ERBB4: variants seen among roughly 807,000 people sequenced by gnomAD.
ERBB4 encodes the protein erb-b2 receptor tyrosine kinase 4.
ERBB4 carries 42 observed loss-of-function variants against 158.0 expected under a neutral mutation model. The observed-to-expected ratio is 0.27, with a 90% CI of 0.21 to 0.34. ERBB4 has a LOEUF of 0.34. Among genes scored for constraint, ERBB4 ranks in the 10% least tolerant of loss-of-function variants. The pLI is 1.00. For synonymous variants in ERBB4, 583 were observed against 558.7 expected (o/e 1.04, Z -0.61); for missense variants, 1,333 against 1,624.1 (o/e 0.82, Z 3.08).
chr2:211,527,888 T>G lies in ERBB4; in HGVS notation c.2487+34015A>C, dbSNP rs536950410. Among the ~76,000 whole-genome samples, 6 of 151,914 alleles carry G rather than the reference T, an allele frequency of 3.9e-5. No homozygotes were observed. In the South Asian group the frequency reaches 1.2e-3, roughly 31 times the overall value. ...ACACAAAAAATAAAAAGCAAGAAACTAAGTCCTCTAATCAGAGAAAGTCAC... is the reference window on the plus strand; with the variant it reads ...ACACAAAAAATAAAAAGCAAGAAACGAAGTCCTCTAATCAGAGAAAGTCAC... On this transcript the variant is annotated intron_variant, in intron 20 of 27. Transcript: ENST00000342788.
At chr2:211,489,522 G>C (rs970677507) in intron 20 of ERBB4, among the ~76,000 whole-genome samples, 1 of 151,894 alleles carries the variant, frequency 6.6e-6, no homozygotes, top group African/African-American at 2.4e-5. Context: ...TATGGTTGTT[G>C]GTTGCCTTGT....
At chr2:212,206,586 G>GTTCTT (rs781042227) in intron 1 of ERBB4, among the ~76,000 whole-genome samples, 1 of 66,766 alleles carries the variant, frequency 1.5e-5, no homozygotes, top group Admixed American at 1.8e-4. Context: ...CGTCTGTTCT[G>GTTCTT]TTCTTTTTTT....
chr2:211,711,902 A>T, intron 9 of ERBB4, 148 bp downstream of exon 9: 1 of 676,234 alleles, frequency 1.5e-6, no homozygotes, highest in East Asian at 2.8e-5. Context: ...ATTGCTGGTG[A>T]AATCAGGCCC....
intron 16 of ERBB4, among the ~76,000 whole-genome samples, chr2:211,644,796 C>T (rs760471158): frequency 4.0e-5 from 6 of 151,880 alleles, no homozygotes; most frequent in Non-Finnish European, 5.9e-5. Flanking sequence ...ATAAACATAA[C>T]GCTTCCCTTT....
At chr2:211,799,888 G>A (rs1187664466) in intron 3 of ERBB4, among the ~76,000 whole-genome samples, 3 of 152,082 alleles carry the variant, frequency 2.0e-5, no homozygotes, top group Non-Finnish European at 4.4e-5. Flanking sequence ...TTCAGAGAGA[G>A]CTAAAACCAG....
At chr2:212,269,509 A>G (rs1292230968) in intron 1 of ERBB4, among the ~76,000 whole-genome samples, 1 of 151,756 alleles carries the variant, frequency 6.6e-6, no homozygotes, top group Non-Finnish European at 1.5e-5. Flanking sequence ...GTCTTGCAAT[A>G]CTTACAGTGT....
intron 1 of ERBB4, among the ~76,000 whole-genome samples, chr2:212,215,532 A>C (rs1408162151): frequency 6.6e-6 from 1 of 151,430 alleles, no homozygotes; most frequent in Non-Finnish European, 1.5e-5. Flanking sequence ...ATAGCATGAA[A>C]TAGAAATAAT....
intron 20 of ERBB4, among the ~76,000 whole-genome samples, chr2:211,481,773 A>G (rs186432311): frequency 6.6e-6 from 1 of 152,124 alleles, no homozygotes; most frequent in African/African-American, 2.4e-5. Context: ...GAAAATTGAA[A>G]CTAGATATGA....
intron 2 of ERBB4, among the ~76,000 whole-genome samples, chr2:212,049,879 T>C (rs1433277818): frequency 6.6e-6 from 1 of 152,206 alleles, no homozygotes; most frequent in African/African-American, 2.4e-5. Context: ...GGATATGCTA[T>C]GTACTACTTT....
At chr2:211,459,312 C>A (rs540262248) in intron 20 of ERBB4, among the ~76,000 whole-genome samples, 3 of 152,300 alleles carry the variant, frequency 2.0e-5, no homozygotes, top group East Asian at 3.9e-4. Flanking sequence ...GGGACACTTT[C>A]TCTATTTGAA....
chr2:211,917,864 A>G (rs950092073), intron 3 of ERBB4, among the ~76,000 whole-genome samples: 6 of 152,346 alleles, frequency 3.9e-5, no homozygotes, highest in Admixed American at 2.0e-4. Context: ...TGAGTTTTAC[A>G]GAAGTTACTA....
chr2:211,861,113 A>T (rs1280878807), intron 3 of ERBB4, among the ~76,000 whole-genome samples: 90 of 30,094 alleles, frequency 3.0e-3, no homozygotes, highest in Non-Finnish European at 4.8e-3. Flanking sequence ...ATATATATTT[A>T]TATATATATT....
intron 25 of ERBB4, among the ~76,000 whole-genome samples, chr2:211,396,387 AAAC>A (rs2062918265): frequency 6.6e-6 from 1 of 152,174 alleles, no homozygotes; most frequent in African/African-American, 2.4e-5. Flanking sequence ...CACTAAAAAA[AAAC>A]CATGTATAAG....
intron 13 of ERBB4, 147 bp from the exon 14 acceptor site, chr2:211,673,404 T>C (rs760591928): frequency 1.4e-6 from 1 of 691,344 alleles, no homozygotes; most frequent in Admixed American, 2.0e-5. Flanking sequence ...CATTAAGTTT[T>C]CCATTAGGAG....
At chr2:212,239,922 GGCAAAC>G (rs1274170449) in intron 1 of ERBB4, among the ~76,000 whole-genome samples, 2 of 152,216 alleles carry the variant, frequency 1.3e-5, no homozygotes, top group East Asian at 3.9e-4. Flanking sequence ...TACATTAAGA[GGCAAAC>G]TAATACACAA....
chr2:211,384,139 G>T (rs2062634948), intron 27 of ERBB4, 79 bp from the exon 28 acceptor site: 2 of 1,048,034 alleles, frequency 1.9e-6, no homozygotes, highest in Non-Finnish European at 2.9e-6. Flanking sequence ...ATAATGGTTA[G>T]CTTCTTTGTC....
chr2:212,015,502 G>A (rs2076508605), intron 2 of ERBB4, among the ~76,000 whole-genome samples: 1 of 151,956 alleles, frequency 6.6e-6, no homozygotes, highest in Non-Finnish European at 1.5e-5. Flanking sequence ...TTGTGCCTGG[G>A]ACCTGTTTCT....
chr2:212,011,189 TA>T (rs998935336), intron 2 of ERBB4, among the ~76,000 whole-genome samples: 2 of 152,290 alleles, frequency 1.3e-5, no homozygotes, highest in Middle Eastern at 3.4e-3. Context: ...AAGACAGGCA[TA>T]AAAAATTATA....
intron 3 of ERBB4, among the ~76,000 whole-genome samples, chr2:211,917,062 C>T (rs62184542): frequency 0.17 from 25,287 of 152,020 alleles, 2,348 homozygotes; most frequent in African/African-American, 0.23. Flanking sequence ...GGCAAGGTGG[C>T]CACGGCTGAT....
Sources: gnomAD v4.1 joint callset for allele counts (sites outside exome capture counted in the v4.1 genomes callset) on GRCh38, gnomAD v4.1.1 for gene constraint, MANE v1.5 for transcripts, NCBI Gene and HGNC (gene_info 2026-07-23, HGNC 2026-07-21) for gene names.